The following KCNN2 variants were observed in gnomAD, a reference collection of about 807,000 sequenced individuals.
KCNN2 encodes the protein small conductance calcium-activated potassium channel protein 2.
In KCNN2, 24 loss-of-function variants were observed where a neutral mutation model predicts 55.5. The ratio of observed to expected loss-of-function variants is 0.43; its 90% confidence interval spans 0.31 to 0.61. KCNN2 has a LOEUF of 0.61. KCNN2 is among the 20% of genes least tolerant of loss of function. KCNN2 has a pLI of 0.08. For synonymous variants in KCNN2, 431 were observed against 336.1 expected (o/e 1.28, Z -3.09); for missense variants, 754 against 853.6 (o/e 0.88, Z 1.45).
intron 2 of KCNN2, among the ~76,000 whole-genome samples, chr5:114,321,841 T>C (rs1180498375): frequency 6.6e-6 from 1 of 152,078 alleles, no homozygotes; most frequent in African/African-American, 2.4e-5. Flanking sequence ...GGCTAATTTT[T>C]ATATTTTTAG....
chr5:114,300,478 A>G (rs774289299), intron 2 of KCNN2, among the ~76,000 whole-genome samples: 6 of 152,238 alleles, frequency 3.9e-5, no homozygotes, highest in Non-Finnish European at 8.8e-5. Flanking sequence ...AGAATGATGC[A>G]GACATTAAAC....
chr5:114,164,402 G>C (rs956942869), intron 1 of KCNN2, among the ~76,000 whole-genome samples: 4 of 152,194 alleles, frequency 2.6e-5, no homozygotes, highest in African/African-American at 7.2e-5. Context: ...GTGAAGTGCT[G>C]TAGTCATTCC....
intron 2 of KCNN2, among the ~76,000 whole-genome samples, chr5:114,308,154 G>A (rs1334268284): frequency 2.0e-5 from 3 of 152,114 alleles, no homozygotes; most frequent in Non-Finnish European, 4.4e-5. Flanking sequence ...GAGAACAATT[G>A]TGATGCCACC....
At chr5:114,481,518 T>C (rs1035700333) in intron 5 of KCNN2, among the ~76,000 whole-genome samples, 4 of 152,162 alleles carry the variant, frequency 2.6e-5, no homozygotes, top group Non-Finnish European at 4.4e-5. Context: ...CCATTGCCAT[T>C]CTTCACAGAA....
chr5:114,069,897 G>A (rs571834887), intron 1 of KCNN2, among the ~76,000 whole-genome samples: 30 of 152,300 alleles, frequency 2.0e-4, no homozygotes, highest in African/African-American at 6.7e-4. Context: ...GGGAATGCAA[G>A]GATACAGGTA....
At chr5:114,248,575 G>T (rs1411485722) in intron 2 of KCNN2, among the ~76,000 whole-genome samples, 1 of 151,898 alleles carries the variant, frequency 6.6e-6, no homozygotes, top group Non-Finnish European at 1.5e-5. Context: ...TTTATTTCCT[G>T]GCAGTCAAAG....
At chr5:114,214,955 A>C (rs1185792755) in intron 1 of KCNN2, among the ~76,000 whole-genome samples, 1 of 152,160 alleles carries the variant, frequency 6.6e-6, no homozygotes, top group Non-Finnish European at 1.5e-5. Flanking sequence ...CATTGGTTCC[A>C]AATGAGTAAT....
At chr5:114,218,196 A>G (rs1386894786) in intron 1 of KCNN2, among the ~76,000 whole-genome samples, 3 of 152,222 alleles carry the variant, frequency 2.0e-5, no homozygotes, top group African/African-American at 7.2e-5. Context: ...AAAACTAAAC[A>G]TAGTCTTCCT....
chr5:114,181,542 A>G (rs768532537), intron 1 of KCNN2, among the ~76,000 whole-genome samples: 2 of 152,098 alleles, frequency 1.3e-5, no homozygotes, highest in Non-Finnish European at 2.9e-5. Context: ...GTGGGTATTC[A>G]TTTTCCTAAT....
chr5:114,453,567 AG>A (rs1760787488), intron 3 of KCNN2, among the ~76,000 whole-genome samples: 1 of 152,210 alleles, frequency 6.6e-6, no homozygotes, highest in African/African-American at 2.4e-5. Flanking sequence ...TTCCAGTCAA[AG>A]AAATAGAAGA....
At chr5:114,162,705 G>A (rs1752814803) in intron 1 of KCNN2, among the ~76,000 whole-genome samples, 1 of 152,132 alleles carries the variant, frequency 6.6e-6, no homozygotes, top group Non-Finnish European at 1.5e-5. Flanking sequence ...GCAATGGCAG[G>A]CACCCCTCCC....
At chr5:114,110,051 A>C (rs1751564418) in intron 1 of KCNN2, among the ~76,000 whole-genome samples, 1 of 152,086 alleles carries the variant, frequency 6.6e-6, no homozygotes. Context: ...CCCTTCCTCC[A>C]TGTGAGAGCA....
chr5:114,098,701 T>G (rs1163347404), intron 1 of KCNN2, among the ~76,000 whole-genome samples: 1 of 152,110 alleles, frequency 6.6e-6, no homozygotes, highest in Non-Finnish European at 1.5e-5. Context: ...CACTTCTCTT[T>G]TATGGAGGAT....
At chr5:114,066,233 A>C (rs1750448750) in intron 1 of KCNN2, among the ~76,000 whole-genome samples, 1 of 152,060 alleles carries the variant, frequency 6.6e-6, no homozygotes, top group Non-Finnish European at 1.5e-5. Flanking sequence ...TCTGTCTCTA[A>C]TTTTATCCCC....
At chr5:114,281,652 T>C (rs962381555) in intron 2 of KCNN2, among the ~76,000 whole-genome samples, 11 of 152,154 alleles carry the variant, frequency 7.2e-5, no homozygotes, top group African/African-American at 2.4e-4. Context: ...TGTGTGTTTA[T>C]GTGTGCATTT....
intron 3 of KCNN2, among the ~76,000 whole-genome samples, chr5:114,422,093 C>T (rs1759487156): frequency 6.6e-6 from 1 of 152,184 alleles, no homozygotes; most frequent in Non-Finnish European, 1.5e-5. Flanking sequence ...TTTTTTCCAA[C>T]ATCAGTGCTA....
intron 2 of KCNN2, among the ~76,000 whole-genome samples, chr5:114,241,775 C>T (rs12153187): frequency 0.23 from 3,867 of 17,124 alleles, 1,086 homozygotes; most frequent in Admixed American, 0.32. Flanking sequence ...TATATATATA[C>T]ATATATACGT....
intron 3 of KCNN2, among the ~76,000 whole-genome samples, chr5:114,425,927 C>T (rs1057128914): frequency 3.3e-5 from 5 of 151,946 alleles, no homozygotes; most frequent in Non-Finnish European, 5.9e-5. Flanking sequence ...CACCTGCAAT[C>T]CTAGCACTTT....
intron 5 of KCNN2, among the ~76,000 whole-genome samples, chr5:114,478,844 A>ATGCTGAGGGAATTCATCACCACC (rs1762094054): frequency 6.6e-6 from 1 of 152,164 alleles, no homozygotes; most frequent in Non-Finnish European, 1.5e-5. Flanking sequence ...AGACAAGCAA[A>ATGCTGAGGGAATTCATCACCACC]TGCTGAGGGA....
Sources: gnomAD v4.1 joint callset for allele counts (sites outside exome capture counted in the v4.1 genomes callset) on GRCh38, gnomAD v4.1.1 for gene constraint, MANE v1.5 for transcripts, NCBI Gene and HGNC (gene_info 2026-07-23, HGNC 2026-07-21) for gene names.